POU2F3: variants seen among roughly 807,000 people sequenced by gnomAD.
The protein encoded by POU2F3 is POU domain, class 2, transcription factor 3.
Under a neutral mutation model 59.2 loss-of-function variants are expected in POU2F3, and 23 were observed. The ratio of observed to expected loss-of-function variants is 0.39; its 90% CI spans 0.28 to 0.55. POU2F3 has a LOEUF of 0.55. Among genes scored for constraint, POU2F3 ranks in the 20% least tolerant of loss-of-function variants. The probability of loss-of-function intolerance (pLI) is 0.66; values close to 1 mark genes in which losing one functional copy is unlikely to be tolerated. For synonymous variants in POU2F3, 190 were observed against 214.6 expected (o/e 0.89, Z 1.00); for missense variants, 473 against 544.5 (o/e 0.87, Z 1.31).
At position 120,240,693 on chromosome 11, in the gene POU2F3, A is replaced by ATGGG. The variant is rs1938623224; in HGVS notation, c.28+326_28+329dup. ...GTCATAGTCTCAGGAGGTTGCAGGG[A>ATGGG]TGGGTGGTTCACTCACTCAGCCAGG... is the stretch of plus-strand genomic sequence containing the variant. On this transcript the variant is annotated intron_variant, in intron 1 of 12. Transcript: ENST00000543440. Among the ~76,000 whole-genome samples, 6 of 152,086 alleles carry ATGGG rather than the reference A, an allele frequency of 3.9e-5. No individual in the cohort carries two copies. In the South Asian group the frequency reaches 1.2e-3, roughly 32 times the overall value.
At chr11:120,243,502 G>C (rs138158162) in intron 1 of POU2F3, among the ~76,000 whole-genome samples, 15 of 152,262 alleles carry the variant, frequency 9.9e-5, no homozygotes, top group African/African-American at 3.6e-4. Flanking sequence ...CTGGTGTCTG[G>C]GCTCTTTCAC....
At chr11:120,247,206 A>T (rs759339692) in intron 2 of POU2F3, among the ~76,000 whole-genome samples, 5 of 152,246 alleles carry the variant, frequency 3.3e-5, no homozygotes, top group Non-Finnish European at 7.3e-5. Context: ...AATTAAAAAG[A>T]ACTTAAAGAT....
At chr11:120,257,478 C>G (rs1322625566) in intron 2 of POU2F3, among the ~76,000 whole-genome samples, 2 of 152,100 alleles carry the variant, frequency 1.3e-5, no homozygotes, top group African/African-American at 4.8e-5. Flanking sequence ...TTCAGGGGCT[C>G]TCTGTGACCC....
intron 2 of POU2F3, among the ~76,000 whole-genome samples, chr11:120,266,970 G>A (rs1279028385): frequency 6.6e-6 from 1 of 152,192 alleles, no homozygotes; most frequent in African/African-American, 2.4e-5. Context: ...GTGTTCTTTT[G>A]TCAAGTCTTT....
At position 120,285,931 on chromosome 11, in the gene POU2F3, G is replaced by A. The variant is rs1039702333; in HGVS notation, c.133-12334G>A. Among the ~76,000 whole-genome samples, 15 of 152,060 alleles carry A rather than the reference G, an allele frequency of 9.9e-5. No individual in the cohort carries two copies. The highest frequency in any genetic ancestry group is 3.6e-4 in the African/African-American group (15 of 41,378). ...GGAGTCTTGCTCTGTCACCCAGGCT[G>A]GAGTGCAGTGGTGCTATCTCGGCTC... On this transcript the variant is annotated intron_variant, in intron 3 of 12. Transcript: ENST00000543440. This position sits in a 1 kb window ranked among gnomAD's most constrained non-coding sequence, Gnocchi z 4.3.
rs570892342 is a variant in POU2F3 at position 120,308,551 on chromosome 11, G to A, written c.907-874G>A. On this transcript the variant is annotated intron_variant, in intron 9 of 12. Transcript: ENST00000543440. ...TGAAGGATCAGAACAAGGGAGTGGCGCCCGTGTAGCATGTATTGCTATGCC... is the reference window on the plus strand; with the variant it reads ...TGAAGGATCAGAACAAGGGAGTGGCACCCGTGTAGCATGTATTGCTATGCC... Among the ~76,000 whole-genome samples the A allele has an allele frequency of 2.0e-4, 30 of 152,252 alleles. No individual in the cohort carries two copies. The South Asian group carries it at 2.1e-3, about 11-fold the overall frequency.
chr11:120,247,091 C>T (rs1380641997), intron 2 of POU2F3, among the ~76,000 whole-genome samples: 1 of 151,718 alleles, frequency 6.6e-6, no homozygotes, highest in Non-Finnish European at 1.5e-5. Flanking sequence ...GAGGCTGGAC[C>T]GTCCCAAAAA....
chr11:120,296,742 G>T (rs972236638), intron 3 of POU2F3, among the ~76,000 whole-genome samples: 1 of 152,034 alleles, frequency 6.6e-6, no homozygotes, highest in Non-Finnish European at 1.5e-5. Context: ...CCTTTTTATG[G>T]CTGCATAGTA....
chr11:120,272,830 T>G (rs1287106095), intron 3 of POU2F3, among the ~76,000 whole-genome samples: 1 of 152,206 alleles, frequency 6.6e-6, no homozygotes, highest in African/African-American at 2.4e-5. Flanking sequence ...AGGCCCTGGA[T>G]AGGGACTCAG....
At chr11:120,272,558 C>T (rs1292034531) in intron 3 of POU2F3, among the ~76,000 whole-genome samples, 2 of 152,228 alleles carry the variant, frequency 1.3e-5, no homozygotes, top group African/African-American at 4.8e-5. Context: ...AGAGCCACTG[C>T]CCTGGGTGAA....
At chr11:120,269,387 G>A in intron 3 of POU2F3, 143 bp downstream of exon 3, 1 of 654,478 alleles carries the variant, frequency 1.5e-6, no homozygotes. Context: ...AAAGGACCTT[G>A]AGCCCAACCT....
chr11:120,317,427 G>A, intron 12 of POU2F3, 63 bp downstream of exon 12: 4 of 1,591,024 alleles, frequency 2.5e-6, no homozygotes, highest in Admixed American at 1.7e-5. Flanking sequence ...GAGAAGCTGA[G>A]CCTATGCCTT....
chr11:120,281,498 G>A (rs1272120444), intron 3 of POU2F3, among the ~76,000 whole-genome samples: 1 of 151,532 alleles, frequency 6.6e-6, no homozygotes, highest in African/African-American at 2.4e-5. Flanking sequence ...TGCCTTCATG[G>A]CCCCCATACC....
At chr11:120,286,122 T>C (rs1466247551) in intron 3 of POU2F3, among the ~76,000 whole-genome samples, 1 of 152,270 alleles carries the variant, frequency 6.6e-6, no homozygotes, top group Non-Finnish European at 1.5e-5. Flanking sequence ...TGACCTCAAG[T>C]GATCTGCCTG....
At chr11:120,238,050 G>T (rs932990349), upstream of POU2F3, among the ~76,000 whole-genome samples, 6 of 152,096 alleles carry the variant, frequency 3.9e-5, no homozygotes, top group African/African-American at 1.4e-4. Flanking sequence ...AGACCAGCCT[G>T]ACCAACATGG....
intron 10 of POU2F3, 134 bp from the exon 11 acceptor site, chr11:120,315,227 A>C (rs1941753958): frequency 2.5e-6 from 2 of 784,686 alleles, no homozygotes; most frequent in Non-Finnish European, 2.1e-6. Flanking sequence ...GGAGGATGGC[A>C]TGTAGGCTAG....
intron 10 of POU2F3, among the ~76,000 whole-genome samples, chr11:120,315,072 G>A (rs1300624708): frequency 3.3e-5 from 5 of 152,222 alleles, no homozygotes; most frequent in African/African-American, 7.2e-5. Flanking sequence ...GGCAGCCTTC[G>A]GCTTGGCAGT....
intron 3 of POU2F3, among the ~76,000 whole-genome samples, chr11:120,297,338 A>C (rs1220657669): frequency 3.3e-5 from 5 of 152,232 alleles, no homozygotes; most frequent in Non-Finnish European, 5.9e-5. Flanking sequence ...CTGTCATTGC[A>C]GGGTGGTGGA....
chr11:120,310,678 C>A (rs1941628078), intron 10 of POU2F3, among the ~76,000 whole-genome samples: 1 of 152,152 alleles, frequency 6.6e-6, no homozygotes, highest in South Asian at 2.1e-4. Context: ...GCCCTTCAGT[C>A]TTTCAGCACT....
Sources: allele counts gnomAD v4.1 joint callset (sites outside exome capture counted in the v4.1 genomes callset), GRCh38; gene constraint gnomAD v4.1.1; non-coding constraint Gnocchi (gnomAD v3.1); transcripts MANE v1.5; gene names NCBI Gene and HGNC (gene_info 2026-07-23, HGNC 2026-07-21).